The following NDNF variants were observed in gnomAD, a reference collection of about 807,000 sequenced individuals.
NDNF encodes the protein neuron derived neurotrophic factor, also known as protein NDNF.
Under a neutral mutation model 42.0 loss-of-function variants are expected in NDNF, and 16 were observed. That is an observed-to-expected ratio of 0.38 (90% CI 0.26 to 0.58). The LOEUF is 0.58. Ranked by LOEUF, NDNF falls within the 20% of genes least tolerant of loss-of-function variation. The pLI is 0.67. For synonymous variants in NDNF, 248 were observed against 251.7 expected (o/e 0.99, Z 0.14); for missense variants, 616 against 666.2 (o/e 0.92, Z 0.83).
chr4:121,046,636 A>G (rs562846703), intron 1 of NDNF, among the ~76,000 whole-genome samples: 2 of 152,314 alleles, frequency 1.3e-5, no homozygotes, highest in South Asian at 4.1e-4. Flanking sequence ...TCACTCACAC[A>G]TCAAGCCAGA....
rs554731595 is a variant in NDNF at position 121,057,737 on chromosome 4, C to T, written c.-1-11899G>A. ...GTTTGAAAAGTAGGAAGTGTTCCTA[C>T]AGAGGGAGGATGCTTCCTGACTTTC... On this transcript the variant is annotated intron_variant, in intron 1 of 3. Coordinates refer to ENST00000379692, the MANE Select transcript of NDNF (RefSeq NM_024574.4). Among the ~76,000 whole-genome samples the T allele has an allele frequency of 3.8e-4, 58 of 152,310 alleles. No individual in the cohort carries two copies. The South Asian group carries it at 0.012, about 30-fold the overall frequency.
intron 1 of NDNF, among the ~76,000 whole-genome samples, chr4:121,057,248 C>T (rs1002889108): frequency 3.9e-5 from 6 of 152,092 alleles, no homozygotes; most frequent in African/African-American, 1.2e-4. Context: ...GTCAAGAAAC[C>T]CCCTCTGAAG....
At chr4:121,070,604 G>A (rs769033709) in intron 1 of NDNF, among the ~76,000 whole-genome samples, 1 of 152,078 alleles carries the variant, frequency 6.6e-6, no homozygotes, top group Non-Finnish European at 1.5e-5. Flanking sequence ...AGGGTAGTGT[G>A]TTTGGGGAAA....
At chr4:121,060,908 A>T (rs920438383) in intron 1 of NDNF, among the ~76,000 whole-genome samples, 1 of 152,178 alleles carries the variant, frequency 6.6e-6, no homozygotes, top group Non-Finnish European at 1.5e-5. Flanking sequence ...TACAAGACAA[A>T]ACCAAAATAG....
intron 3 of NDNF, among the ~76,000 whole-genome samples, chr4:121,038,454 A>T (rs1211400208): frequency 1.3e-5 from 2 of 152,126 alleles, no homozygotes; most frequent in African/African-American, 4.8e-5. Flanking sequence ...ACGTGCACCC[A>T]GGAATAACAC....
intron 3 of NDNF, among the ~76,000 whole-genome samples, chr4:121,038,359 G>GATAAAATAAAATAAAATAAA (rs533558817): frequency 0.016 from 2,108 of 131,100 alleles, 65 homozygotes; most frequent in African/African-American, 0.055. Context: ...CTCAAAATAA[G>GATAAAATAAAATAAAATAAA]ATAAAATAAA....
intron 3 of NDNF, 134 bp from the exon 4 acceptor site, chr4:121,037,791 T>C (rs1726905311): frequency 1.7e-6 from 1 of 595,738 alleles, no homozygotes; most frequent in Admixed American, 3.4e-5. Context: ...TATTTATAAA[T>C]GTATTCAAGA....
chr4:121,046,927 A>C (rs1727103824), intron 1 of NDNF, among the ~76,000 whole-genome samples: 1 of 152,218 alleles, frequency 6.6e-6, no homozygotes, highest in South Asian at 2.1e-4. Flanking sequence ...CCTCACAGAA[A>C]GAAATATGTA....
intron 1 of NDNF, among the ~76,000 whole-genome samples, chr4:121,064,336 T>A (rs945532553): frequency 1.3e-5 from 2 of 152,130 alleles, no homozygotes; most frequent in African/African-American, 2.4e-5. Context: ...TTATTATTAA[T>A]AAATAGAATC....
chr4:121,041,021 G>A (rs955320133), intron 2 of NDNF, among the ~76,000 whole-genome samples: 1 of 152,158 alleles, frequency 6.6e-6, no homozygotes. Flanking sequence ...CACTGTGTCA[G>A]TCAGTAGAAA....
intron 2 of NDNF, among the ~76,000 whole-genome samples, chr4:121,043,155 T>G (rs903166352): frequency 4.6e-5 from 7 of 152,188 alleles, no homozygotes; most frequent in African/African-American, 9.7e-5. Flanking sequence ...TACTGGCTAG[T>G]GAGGGACACA....
At chr4:121,058,211 C>T (rs1727335321) in intron 1 of NDNF, among the ~76,000 whole-genome samples, 1 of 152,166 alleles carries the variant, frequency 6.6e-6, no homozygotes, top group Non-Finnish European at 1.5e-5. Context: ...TAACAGCAGA[C>T]AGCAAAGCAA....
chr4:121,036,198 T>C lies in NDNF; in HGVS notation c.*66A>G, dbSNP rs964444939. 1.5e-6 allele frequency: 2 copies of C among 1,337,494 alleles called. No individual in the cohort carries two copies. The highest frequency in any genetic ancestry group is 2.9e-5 in the African/African-American group (2 of 67,982). The allele number at this position is 1,337,494 out of a possible 1,614,324, so 82.9% of individuals were successfully genotyped here. ...TTCTCTCAACTGTGGGAGTAGTCAG[T>C]TTATACTTAAAGTGATTTAATGTCC... On this transcript the variant is annotated 3_prime_UTR_variant, in exon 4 of 4. Transcript: ENST00000379692.
At chr4:121,039,224 A>ACG (rs1201103488) in intron 3 of NDNF, among the ~76,000 whole-genome samples, 2 of 132,028 alleles carry the variant, frequency 1.5e-5, no homozygotes, top group African/African-American at 3.0e-5. Flanking sequence ...ATATATATAT[A>ACG]TATATATATA....
chr4:121,067,449 AAAAT>A (rs1727519779), intron 1 of NDNF, among the ~76,000 whole-genome samples: 1 of 152,324 alleles, frequency 6.6e-6, no homozygotes, highest in East Asian at 1.9e-4. Flanking sequence ...CTAACTTACT[AAAAT>A]AAATCAGTTT....
chr4:121,055,899 G>C (rs1436982413), intron 1 of NDNF, among the ~76,000 whole-genome samples: 1 of 152,132 alleles, frequency 6.6e-6, no homozygotes, highest in African/African-American at 2.4e-5. Context: ...CCCATTTGTT[G>C]AAAGTACCCA....
chr4:121,037,712 C>T (rs1366743379), intron 3 of NDNF, 55 bp from the exon 4 acceptor site: 13 of 1,339,698 alleles, frequency 9.7e-6, no homozygotes, highest in Non-Finnish European at 1.3e-5. Context: ...TGTGGCTTGC[C>T]AACCTTAAGT....
chr4:121,047,735 A>G (rs190215890), intron 1 of NDNF, among the ~76,000 whole-genome samples: 17 of 152,328 alleles, frequency 1.1e-4, no homozygotes, highest in Admixed American at 1.1e-3. Flanking sequence ...TATAATCAGC[A>G]ATGCTTCTGA....
chr4:121,045,862 T>C (rs1359895490), intron 1 of NDNF, 24 bp from the exon 2 acceptor site: 1 of 1,603,734 alleles, frequency 6.2e-7, no homozygotes, highest in Admixed American at 1.7e-5. Flanking sequence ...AATGACTACT[T>C]TATTAGTTCT....
Sources: gnomAD v4.1 joint callset for allele counts (sites outside exome capture counted in the v4.1 genomes callset) on GRCh38, gnomAD v4.1.1 for gene constraint, MANE v1.5 for transcripts, NCBI Gene and HGNC (gene_info 2026-07-23, HGNC 2026-07-21) for gene names.